Variants in TRIM62 observed in about 807,000 individuals in gnomAD.
The protein encoded by TRIM62 is tripartite motif containing 62, also known as E3 ubiquitin-protein ligase TRIM62.
Under a neutral mutation model 44.2 loss-of-function variants are expected in TRIM62, and 39 were observed. That is an observed-to-expected ratio of 0.88 (90% confidence interval 0.68 to 1.15). The LOEUF (loss-of-function observed/expected upper bound fraction) is 1.15, where lower values mean the gene tolerates loss of function less well. Among genes scored for constraint, TRIM62 ranks in the 50% most tolerant of loss-of-function variants. The probability of loss-of-function intolerance (pLI) is 0.00; values close to 1 mark genes in which losing one functional copy is unlikely to be tolerated. For synonymous variants in TRIM62, 278 were observed against 292.3 expected (o/e 0.95, Z 0.50); for missense variants, 544 against 665.5 (o/e 0.82, Z 2.01).
rs1485999012 is a variant in TRIM62, at chr1:33,145,650, C to T, written c.*1527G>A. On this transcript the variant is annotated 3_prime_UTR_variant, in exon 5 of 5. Coordinates refer to ENST00000291416, the MANE Select transcript of TRIM62 (RefSeq NM_018207.3). Reference sequence around the variant, plus strand: ...AGAGACCCCAAGTGCAGAATCTAGGCCCCAGGACTAGAAAGAAAAGTCAAG... The same window carrying T: ...AGAGACCCCAAGTGCAGAATCTAGGTCCCAGGACTAGAAAGAAAAGTCAAG... The T allele has an allele frequency of 3.2e-6, 1 of 309,666 alleles. No homozygotes were observed. The highest frequency in any genetic ancestry group is 2.2e-5 in the African/African-American group (1 of 45,362). The allele number at this position is 309,666 out of a possible 1,614,324, so 19.2% of individuals were successfully genotyped here. A position where few individuals can be genotyped will look rare whatever the true frequency, so the allele number is the denominator to read the frequency against.
Position 33,177,760 on chromosome 1 carries a change from A to G in TRIM62, c.408+3265T>C, listed in dbSNP as rs587910. Among the ~76,000 whole-genome samples the G allele has an allele frequency of 0.75, 114,098 of 152,024 alleles. 42,828 individuals carry two copies. The highest frequency in any genetic ancestry group is 0.78 in the Admixed American group (11,874 of 15,278). On this transcript the variant is annotated intron_variant, in intron 1 of 4. Transcript: ENST00000291416. The surrounding 1 kb of genome is among the most constrained non-coding windows in gnomAD (Gnocchi z 4.1). ...AACACACAAGATGGCCCTGCACAAC[A>G]GTTATCTAGCCCCAAATGTCAATAA...
chr1:33,152,744 A>T (rs1008238837), intron 4 of TRIM62, among the ~76,000 whole-genome samples: 1 of 152,176 alleles, frequency 6.6e-6, no homozygotes, highest in Non-Finnish European at 1.5e-5. Context: ...TGTTTTACAG[A>T]TGAGGAAACT....
chr1:33,173,884 A>C (rs1645393788), intron 1 of TRIM62, among the ~76,000 whole-genome samples: 2 of 151,856 alleles, frequency 1.3e-5, no homozygotes, highest in Non-Finnish European at 2.9e-5. Flanking sequence ...TTTATTGTAG[A>C]GATGGGGTCT....
chr1:33,165,646 G>C lies in TRIM62; in HGVS notation c.409-80C>G, dbSNP rs1264443410. ...TCAGCCCTGACCACTGCCAGGCGCT[G>C]GGGGTTAGCCTGGTCTCTGTCCCCA... On this transcript the variant is annotated intron_variant, in intron 1 of 4. Transcript: ENST00000291416. This position sits in a 1 kb window ranked among gnomAD's most constrained non-coding sequence, Gnocchi z 4.0. 1 of 1,287,294 alleles carries C rather than the reference G, an allele frequency of 7.8e-7. No individual in the cohort carries two copies. The highest frequency in any genetic ancestry group is 1.1e-6 in the Non-Finnish European group (1 of 951,032). 79.7% of individuals were successfully genotyped at this position (1,287,294 alleles called of 1,614,324 possible).
At position 33,146,082 on chromosome 1, in the gene TRIM62, G is replaced by A; in HGVS notation, c.*1095C>T. On this transcript the variant is annotated 3_prime_UTR_variant, in exon 5 of 5. Coordinates refer to ENST00000291416, the MANE Select transcript of TRIM62 (RefSeq NM_018207.3). ...TAGTGGCTTCCTGCAGATGGGGGCA[G>A]CTTTCCTGGTCACAACAGACATGAT... The A allele has an allele frequency of 2.9e-6, 1 of 349,770 alleles. No homozygotes were observed. Among genetic ancestry groups the A allele is most frequent in the Non-Finnish European group, 5.7e-6 (1 of 175,882 alleles). The allele number at this position is 349,770 out of a possible 1,614,324, so 21.7% of individuals were successfully genotyped here. A position where few individuals can be genotyped will look rare whatever the true frequency, so the allele number is the denominator to read the frequency against.
chr1:33,166,705 G>A (rs760040753), intron 1 of TRIM62, among the ~76,000 whole-genome samples: 9 of 152,050 alleles, frequency 5.9e-5, no homozygotes, highest in Non-Finnish European at 8.8e-5. Context: ...CAGGTGACAC[G>A]TTTTCTACCA....
rs1383682098 is a variant in TRIM62, at chr1:33,177,140, C to T, written c.408+3885G>A. ...GCATGTACGCATGCACACACACGCACATGCACACCCACAGGTTACATAAAA... is the reference window on the plus strand; with the variant it reads ...GCATGTACGCATGCACACACACGCATATGCACACCCACAGGTTACATAAAA... On this transcript the variant is annotated intron_variant, in intron 1 of 4. Transcript: ENST00000291416. This position sits in a 1 kb window ranked among gnomAD's most constrained non-coding sequence, Gnocchi z 4.1. Among the ~76,000 whole-genome samples the T allele has an allele frequency of 6.6e-6, 1 of 152,148 alleles. No homozygotes were observed. Among genetic ancestry groups the T allele is most frequent in the Admixed American group, 6.5e-5 (1 of 15,274 alleles).
intron 1 of TRIM62, among the ~76,000 whole-genome samples, chr1:33,174,983 A>G (rs1261679437): frequency 3.0e-4 from 40 of 133,082 alleles, no homozygotes; most frequent in African/African-American, 1.1e-3. Context: ...ACATATACAT[A>G]TATATGCACA....
chr1:33,161,149 G>A lies in TRIM62; in HGVS notation c.505-1205C>T, dbSNP rs1202347687. The stretch of plus-strand genomic sequence containing the variant: ...ATGAAATGAGGGGGTGTTGTTGTGC[G>A]CACTCCAAGGCGCAGAGAAAGAGCC... On this transcript the variant is annotated intron_variant, in intron 2 of 4. Coordinates refer to ENST00000291416, the MANE Select transcript of TRIM62 (RefSeq NM_018207.3). The surrounding 1 kb of genome is among the most constrained non-coding windows in gnomAD (Gnocchi z 4.3). Among the ~76,000 whole-genome samples the A allele has an allele frequency of 3.9e-5, 6 of 152,244 alleles. No homozygotes were observed. The highest frequency in any genetic ancestry group is 1.2e-4 in the African/African-American group (5 of 41,466).
At chr1:33,156,221 T>C (rs532453487) in intron 4 of TRIM62, among the ~76,000 whole-genome samples, 1 of 152,220 alleles carries the variant, frequency 6.6e-6, no homozygotes, top group Non-Finnish European at 1.5e-5. Flanking sequence ...CTCACAGATA[T>C]GCTGTATTTC....
chr1:33,176,236 T>C (rs958156078), intron 1 of TRIM62, among the ~76,000 whole-genome samples: 22 of 152,242 alleles, frequency 1.4e-4, no homozygotes, highest in African/African-American at 5.1e-4. Flanking sequence ...TCTTTCTCTC[T>C]CTTTATACAG....
At chr1:33,158,595 C>A (rs908897514) in intron 3 of TRIM62, among the ~76,000 whole-genome samples, 1 of 152,204 alleles carries the variant, frequency 6.6e-6, no homozygotes, top group African/African-American at 2.4e-5. Context: ...GCCTTCTAGG[C>A]TTTTTGTGAG....
intron 4 of TRIM62, among the ~76,000 whole-genome samples, chr1:33,153,094 G>A (rs1419837513): frequency 1.3e-5 from 2 of 152,210 alleles, no homozygotes; most frequent in African/African-American, 2.4e-5. Flanking sequence ...GACAGGTGCT[G>A]GATGGGGTTC....
chr1:33,171,460 G>C (rs1645374151), intron 1 of TRIM62, among the ~76,000 whole-genome samples: 1 of 152,136 alleles, frequency 6.6e-6, no homozygotes, highest in South Asian at 2.1e-4. Context: ...AGAGGCAGAG[G>C]GGAGGCTCTC....
At chr1:33,178,681 C>T (rs1268220488) in intron 1 of TRIM62, among the ~76,000 whole-genome samples, 3 of 152,376 alleles carry the variant, frequency 2.0e-5, no homozygotes, top group Non-Finnish European at 2.9e-5. Context: ...TCAGCGTTTA[C>T]ATGAAGTGAC....
At position 33,181,162 on chromosome 1, in the gene TRIM62, G is replaced by T; in HGVS notation, c.271C>A (p.Arg91=). The change falls in exon 1 of 5, where the codon CGA becomes AGA. Residue 91 remains arginine, a synonymous_variant. Transcript: ENST00000291416. This position sits in a 1 kb window ranked among gnomAD's most constrained non-coding sequence, Gnocchi z 6.5. ...ACCTTGTCGTGCGCCTGGCAGGGTC[G>T]CGCGGCGCGGCGCGCGTTGAGGATG... ...DAILNARRAA[R]PCQAHDKVKL... 2 of 1,596,830 alleles carry T rather than the reference G, an allele frequency of 1.3e-6. No individual in the cohort carries two copies. Among genetic ancestry groups the T allele is most frequent in the South Asian group, 2.2e-5 (2 of 89,992 alleles).
Position 33,147,842 on chromosome 1 carries a change from T to A in TRIM62, c.878-115A>T. Reference sequence around the variant, plus strand: ...GGTACGCAGGAGGCCTCTGACCTGCTGTGTGACCTTGAATACAAGTCTGCC... The same window carrying A: ...GGTACGCAGGAGGCCTCTGACCTGCAGTGTGACCTTGAATACAAGTCTGCC... On this transcript the variant is annotated intron_variant, in intron 4 of 4. Coordinates refer to ENST00000291416, the MANE Select transcript of TRIM62 (RefSeq NM_018207.3). The surrounding 1 kb of genome is among the most constrained non-coding windows in gnomAD (Gnocchi z 8.1). 4 of 1,151,084 alleles carry A rather than the reference T, an allele frequency of 3.5e-6. No homozygotes were observed. Among genetic ancestry groups the A allele is most frequent in the Non-Finnish European group, 4.9e-6 (4 of 822,700 alleles). 71.3% of individuals were successfully genotyped at this position (1,151,084 alleles called of 1,614,324 possible). A position where few individuals can be genotyped will look rare whatever the true frequency, so the allele number is the denominator to read the frequency against.
chr1:33,154,785 G>A (rs1195288619), intron 4 of TRIM62, among the ~76,000 whole-genome samples: 2 of 131,008 alleles, frequency 1.5e-5, no homozygotes, highest in African/African-American at 2.9e-5. Flanking sequence ...TTGACAGAGC[G>A]AAACTCCGTA....
chr1:33,170,538 A>G (rs1021196852), intron 1 of TRIM62, among the ~76,000 whole-genome samples: 2 of 152,098 alleles, frequency 1.3e-5, no homozygotes, highest in Admixed American at 1.3e-4. Context: ...TCCCTGCCCA[A>G]GGATGAGGCT....
Sources: allele counts gnomAD v4.1 joint callset (sites outside exome capture counted in the v4.1 genomes callset), GRCh38; gene constraint gnomAD v4.1.1; non-coding constraint Gnocchi (gnomAD v3.1); transcripts MANE v1.5; gene names NCBI Gene and HGNC (gene_info 2026-07-23, HGNC 2026-07-21).